The following TGFBR3 variants were observed in gnomAD, a reference collection of about 807,000 sequenced individuals.
TGFBR3 encodes transforming growth factor beta receptor type 3.
TGFBR3 carries 46 observed loss-of-function variants against 87.9 expected under a neutral mutation model. The observed-to-expected ratio is 0.52, with a 90% confidence interval of 0.41 to 0.67. The LOEUF (loss-of-function observed/expected upper bound fraction) is 0.67. Ranked by LOEUF, TGFBR3 falls within the 30% of genes least tolerant of loss-of-function variation. The pLI, the probability that TGFBR3 is intolerant of heterozygous loss-of-function variation, is 0.00. For missense variants in TGFBR3, 866 were observed against 1,041.9 expected (o/e 0.83, Z 2.32); for synonymous variants, 381 against 391.6 (o/e 0.97, Z 0.32).
chr1:91,780,501 T>A (rs975963571), intron 3 of TGFBR3, among the ~76,000 whole-genome samples: 1 of 146,908 alleles, frequency 6.8e-6, no homozygotes, highest in Non-Finnish European at 1.5e-5. Context: ...CAGAGTACCA[T>A]GAAAACTATT....
intron 16 of TGFBR3, among the ~76,000 whole-genome samples, chr1:91,689,840 T>TAAAAAAAAAAAAAAAAAAAAAAAAAAA (rs545760131): frequency 2.0e-5 from 2 of 99,282 alleles, no homozygotes; most frequent in African/African-American, 7.3e-5. Context: ...AGAAACTGAT[T>TAAAAAAAAAAAAAAAAAAAAAAAAAAA]AAAAAAAAAA....
At position 91,697,976 on chromosome 1, in the gene TGFBR3, T is replaced by C. The variant is rs951602684; in HGVS notation, c.2329+113A>G. ...GGAAAGGGGAAGGGGGAAGGGGGAA[T>C]GAGAGCAGAAGTCTCCTTATCAAAA... On this transcript the variant is annotated intron_variant, in intron 15 of 16. Transcript: ENST00000212355. 3.1e-6 allele frequency: 3 copies of C among 964,810 alleles called. No homozygotes were observed. In the East Asian group the frequency reaches 7.2e-5, roughly 23 times the overall value. 59.8% of individuals were successfully genotyped at this position (964,810 alleles called of 1,614,324 possible).
At chr1:91,902,271 TTG>T (rs200355608) in intron 1 of TGFBR3, among the ~76,000 whole-genome samples, 38 of 148,326 alleles carry the variant, frequency 2.6e-4, no homozygotes, top group Middle Eastern at 3.4e-3. Flanking sequence ...TCCTTTTCTT[TTG>T]TGTGTGTGTG....
At chr1:91,815,379 A>G (rs1676185974) in intron 2 of TGFBR3, among the ~76,000 whole-genome samples, 1 of 152,130 alleles carries the variant, frequency 6.6e-6, no homozygotes, top group African/African-American at 2.4e-5. Flanking sequence ...CAGGGTCATC[A>G]TGAAAACAAA....
At chr1:91,805,303 T>C (rs1157808796) in intron 2 of TGFBR3, among the ~76,000 whole-genome samples, 2 of 152,176 alleles carry the variant, frequency 1.3e-5, no homozygotes, top group East Asian at 3.9e-4. Context: ...TAACTTTTCC[T>C]TGGACTCAAA....
chr1:91,777,603 A>G (rs1179849224), intron 3 of TGFBR3, among the ~76,000 whole-genome samples: 1 of 21,604 alleles, frequency 4.6e-5, no homozygotes, highest in Non-Finnish European at 9.5e-5. Flanking sequence ...CTCTAGCCCC[A>G]GCCCTAGCCC....
At chr1:91,780,134 C>T (rs1185252371) in intron 3 of TGFBR3, among the ~76,000 whole-genome samples, 1 of 152,188 alleles carries the variant, frequency 6.6e-6, no homozygotes, top group African/African-American at 2.4e-5. Flanking sequence ...TTTAATCACA[C>T]CTGCTAAGGC....
chr1:91,877,747 A>T (rs1249347685), intron 1 of TGFBR3, among the ~76,000 whole-genome samples: 4 of 152,242 alleles, frequency 2.6e-5, no homozygotes, highest in Non-Finnish European at 5.9e-5. Flanking sequence ...TATTGTAACG[A>T]ATAATGAGTA....
At chr1:91,795,668 C>G (rs1038648328) in intron 3 of TGFBR3, among the ~76,000 whole-genome samples, 1 of 152,144 alleles carries the variant, frequency 6.6e-6, no homozygotes, top group Non-Finnish European at 1.5e-5. Flanking sequence ...GAGTAATTGT[C>G]GCTGCTAAAG....
At chr1:91,841,405 T>G (rs1220495024) in intron 2 of TGFBR3, among the ~76,000 whole-genome samples, 5 of 152,214 alleles carry the variant, frequency 3.3e-5, no homozygotes, top group Non-Finnish European at 7.3e-5. Context: ...TGTGTGCCAG[T>G]GAAGTACTGC....
chr1:91,695,823 TG>T (rs774174980), intron 15 of TGFBR3, 44 bp from the exon 16 acceptor site: 1 of 1,456,686 alleles, frequency 6.9e-7, no homozygotes, highest in Non-Finnish European at 9.6e-7. Flanking sequence ...TTGGTTAGTC[TG>T]CATCATGCAT....
Position 91,755,805 on chromosome 1 carries a change from G to A in TGFBR3, c.384+2808C>T, listed in dbSNP as rs373327498. ...TCCAGGCAGCGATAAGTACAACTAT[G>A]ACATACGTAGCCCACACTTTCATCT... is the stretch of plus-strand genomic sequence containing the variant. On this transcript the variant is annotated intron_variant, in intron 4 of 16. Transcript: ENST00000212355. Among the ~76,000 whole-genome samples, 18 of 152,266 alleles carry A rather than the reference G, an allele frequency of 1.2e-4. No homozygotes were observed. The East Asian group carries it at 3.5e-3, about 29-fold the overall frequency.
intron 9 of TGFBR3, 38 bp downstream of exon 9, chr1:91,719,855 G>T: frequency 1.2e-6 from 2 of 1,607,138 alleles, no homozygotes; most frequent in Non-Finnish European, 8.5e-7. Context: ...TGGGAAAGGA[G>T]GTAGCCTCTC....
intron 16 of TGFBR3, among the ~76,000 whole-genome samples, chr1:91,693,859 G>A (rs925307164): frequency 2.0e-5 from 3 of 152,132 alleles, no homozygotes; most frequent in Admixed American, 6.6e-5. Flanking sequence ...TGAACATGTC[G>A]GTATTCCTGC....
In TGFBR3 at chr1:91,682,104, T is replaced by A. The variant is rs996883803; in HGVS notation, c.*1635A>T. 2.2e-6 allele frequency: 1 copy of A among 454,080 alleles called. No homozygotes were observed. Among genetic ancestry groups the A allele is most frequent in the Non-Finnish European group, 4.4e-6 (1 of 226,770 alleles). The allele number at this position is 454,080 out of a possible 1,614,324, so 28.1% of individuals were successfully genotyped here. Reference sequence around the variant, plus strand: ...TCTATCAGGTAAGTCATATTATTACTCAACGATTTGGTAAAAATGATTGTC... The same window carrying A: ...TCTATCAGGTAAGTCATATTATTACACAACGATTTGGTAAAAATGATTGTC... On this transcript the variant is annotated 3_prime_UTR_variant, in exon 17 of 17. Transcript: ENST00000212355.
At chr1:91,884,001 G>A (rs906598070) in intron 1 of TGFBR3, among the ~76,000 whole-genome samples, 2 of 152,240 alleles carry the variant, frequency 1.3e-5, no homozygotes, top group South Asian at 4.1e-4. Flanking sequence ...ACAATGTCTG[G>A]AGAATTAATA....
intron 1 of TGFBR3, among the ~76,000 whole-genome samples, chr1:91,903,368 T>A (rs1679774244): frequency 2.9e-5 from 2 of 68,794 alleles, no homozygotes; most frequent in African/African-American, 4.0e-5. Flanking sequence ...AAAAAAAAAT[T>A]GCCAGTCTGG....
At chr1:91,695,051 C>A (rs945046702) in intron 16 of TGFBR3, among the ~76,000 whole-genome samples, 1 of 150,880 alleles carries the variant, frequency 6.6e-6, no homozygotes, top group African/African-American at 2.4e-5. Context: ...GGGAGGAGCA[C>A]ATCTGAATTT....
intron 3 of TGFBR3, among the ~76,000 whole-genome samples, chr1:91,765,534 C>T (rs966876753): frequency 2.0e-5 from 3 of 152,172 alleles, no homozygotes; most frequent in African/African-American, 7.2e-5. Context: ...CACTCCCAGG[C>T]TTTGTAGGAC....
Sources: gnomAD v4.1 joint callset for allele counts (sites outside exome capture counted in the v4.1 genomes callset) on GRCh38, gnomAD v4.1.1 for gene constraint, MANE v1.5 for transcripts, NCBI Gene and HGNC (gene_info 2026-07-23, HGNC 2026-07-21) for gene names.